CDH18: variants seen among roughly 807,000 people sequenced by gnomAD.
CDH18 encodes cadherin 18, also known as cadherin-18.
A neutral mutation model predicts 67.9 loss-of-function variants in CDH18; 31 were observed. The ratio of observed to expected loss-of-function variants is 0.46; its 90% confidence interval spans 0.34 to 0.62. The LOEUF (loss-of-function observed/expected upper bound fraction) is 0.62. Ranked by LOEUF, CDH18 falls within the 20% of genes least tolerant of loss-of-function variation. CDH18 has a pLI of 0.01. For synonymous variants in CDH18, 362 were observed against 347.2 expected, an observed-to-expected ratio of 1.04 and a Z score of -0.48; for missense variants, 890 against 975.5, an observed-to-expected ratio of 0.91 and a Z score of 1.17.
intron 1 of CDH18, among the ~76,000 whole-genome samples, chr5:20,554,298 C>T (rs775224199): frequency 1.3e-5 from 2 of 152,128 alleles, no homozygotes; most frequent in Non-Finnish European, 1.5e-5. Flanking sequence ...TCATAATTTC[C>T]CTTCAGCATA....
chr5:19,703,347 T>G (rs12522130), intron 5 of CDH18, among the ~76,000 whole-genome samples: 138,953 of 152,124 alleles, frequency 0.91, 64,742 homozygotes, highest in East Asian at 1. Flanking sequence ...GGTAACAATG[T>G]GCAAGTGTGG....
chr5:19,898,071 T>G (rs1245625935), intron 2 of CDH18, among the ~76,000 whole-genome samples: 1 of 152,114 alleles, frequency 6.6e-6, no homozygotes, highest in African/African-American at 2.4e-5. Flanking sequence ...CTATTCTGAA[T>G]GTTCTTTAGT....
At chr5:19,824,513 G>A (rs1176964856) in intron 3 of CDH18, among the ~76,000 whole-genome samples, 1 of 152,206 alleles carries the variant, frequency 6.6e-6, no homozygotes, top group Admixed American at 6.5e-5. Flanking sequence ...CATGCTTCTA[G>A]ACAGGCAGAG....
At chr5:19,717,173 T>C (rs1765441821) in intron 5 of CDH18, among the ~76,000 whole-genome samples, 1 of 152,064 alleles carries the variant, frequency 6.6e-6, no homozygotes, top group Admixed American at 6.6e-5. Flanking sequence ...CAGGTTTTAA[T>C]TTAGGTTTTC....
At chr5:19,858,475 G>A (rs941438275) in intron 2 of CDH18, among the ~76,000 whole-genome samples, 7 of 152,110 alleles carry the variant, frequency 4.6e-5, no homozygotes, top group Admixed American at 6.6e-5. Flanking sequence ...GCTTGATAGC[G>A]CCAATATAAT....
chr5:20,402,463 C>A (rs560344983), intron 1 of CDH18, among the ~76,000 whole-genome samples: 1 of 152,042 alleles, frequency 6.6e-6, no homozygotes, highest in South Asian at 2.1e-4. Context: ...AAAAAATGTA[C>A]GCAAGGACAT....
chr5:19,651,966 T>C (rs1374794164), intron 5 of CDH18, among the ~76,000 whole-genome samples: 2 of 152,032 alleles, frequency 1.3e-5, no homozygotes, highest in African/African-American at 4.8e-5. Context: ...GTAAGTTTCT[T>C]TGCAAGGATA....
intron 10 of CDH18, among the ~76,000 whole-genome samples, chr5:19,520,118 T>C (rs1434813449): frequency 6.6e-6 from 1 of 152,180 alleles, no homozygotes; most frequent in African/African-American, 2.4e-5. Flanking sequence ...CAAATTGCCA[T>C]GCTTCTTTGA....
intron 1 of CDH18, among the ~76,000 whole-genome samples, chr5:20,299,421 CA>C (rs1747782698): frequency 1.4e-5 from 2 of 146,504 alleles, no homozygotes; most frequent in Non-Finnish European, 3.0e-5. Flanking sequence ...CACACACACA[CA>C]CACACACACA....
intron 2 of CDH18, among the ~76,000 whole-genome samples, chr5:20,238,198 T>C (rs1742622439): frequency 6.6e-6 from 1 of 152,094 alleles, no homozygotes; most frequent in Admixed American, 6.5e-5. Context: ...AAAATGGTTG[T>C]GATCTTGGGT....
intron 2 of CDH18, among the ~76,000 whole-genome samples, chr5:20,134,569 C>T (rs1330085744): frequency 6.6e-6 from 1 of 152,148 alleles, no homozygotes; most frequent in Admixed American, 6.6e-5. Context: ...AGACCAGAGT[C>T]TCCACCTGGT....
intron 2 of CDH18, among the ~76,000 whole-genome samples, chr5:19,996,629 A>G (rs1301983675): frequency 6.6e-6 from 1 of 151,970 alleles, no homozygotes; most frequent in East Asian, 1.9e-4. Context: ...TCAATAGTTG[A>G]AAATTAATAC....
At chr5:20,380,172 T>A (rs1207872717) in intron 1 of CDH18, among the ~76,000 whole-genome samples, 1 of 152,176 alleles carries the variant, frequency 6.6e-6, no homozygotes, top group Non-Finnish European at 1.5e-5. Flanking sequence ...AGCATTTTGA[T>A]GGATGGGTCA....
intron 1 of CDH18, among the ~76,000 whole-genome samples, chr5:20,439,364 T>A (rs1749427725): frequency 6.6e-6 from 1 of 151,558 alleles, no homozygotes; most frequent in South Asian, 2.1e-4. Flanking sequence ...TAAACTATTG[T>A]TTTGAAGGAT....
At chr5:19,917,173 T>G (rs1791898761) in intron 2 of CDH18, among the ~76,000 whole-genome samples, 1 of 152,152 alleles carries the variant, frequency 6.6e-6, no homozygotes, top group African/African-American at 2.4e-5. Flanking sequence ...CTAAAAATTA[T>G]TTTCTAAGAA....
chr5:20,514,223 T>C (rs1410152201), intron 1 of CDH18, among the ~76,000 whole-genome samples: 3 of 152,172 alleles, frequency 2.0e-5, no homozygotes, highest in Non-Finnish European at 2.9e-5. Flanking sequence ...ATTTCCAAAA[T>C]GTTTGACCAA....
At position 20,066,473 on chromosome 5, in the gene CDH18, T is replaced by C. The variant is rs139100154; in HGVS notation, c.-517-74459A>G. The stretch of plus-strand genomic sequence containing the variant: ...CAACTTCTTTTTTGGGAATATGACT[T>C]GACACAAACTCAAAATAATCATATC... On this transcript the variant is annotated intron_variant, in intron 2 of 14. Transcript: ENST00000507958. 1.6e-4 allele frequency among the ~76,000 whole-genome samples: 24 copies of C among 152,188 alleles called. No homozygotes were observed. In the East Asian group the frequency reaches 4.2e-3, roughly 27 times the overall value.
chr5:19,480,103 T>TTTGAAGCAA, intron 12 of CDH18, among the ~76,000 whole-genome samples: 1 of 152,094 alleles, frequency 6.6e-6, no homozygotes, highest in South Asian at 2.1e-4. Context: ...AATTTGAAGA[T>TTTGAAGCAA]AACATGCTTC....
At chr5:20,090,401 G>C (rs1271594615) in intron 2 of CDH18, among the ~76,000 whole-genome samples, 2 of 152,054 alleles carry the variant, frequency 1.3e-5, no homozygotes, top group African/African-American at 4.8e-5. Context: ...CAGGCATGGT[G>C]GTGGGTGTCT....
Sources: gnomAD v4.1 joint callset for allele counts (sites outside exome capture counted in the v4.1 genomes callset) on GRCh38, gnomAD v4.1.1 for gene constraint, MANE v1.5 for transcripts, NCBI Gene and HGNC (gene_info 2026-07-23, HGNC 2026-07-21) for gene names.